The following ZNF267 variants were observed in gnomAD, a reference collection of about 807,000 sequenced individuals.
ZNF267 encodes zinc finger (C2H2).
In ZNF267, 61 loss-of-function variants were observed where a neutral mutation model predicts 71.6. The ratio of observed to expected loss-of-function variants is 0.85; its 90% CI spans 0.69 to 1.05. ZNF267 has a LOEUF of 1.05. ZNF267 is among the 50% of genes least tolerant of loss of function. ZNF267 has a pLI of 0.00. For missense variants in ZNF267, 852 were observed against 870.0 expected (o/e 0.98, Z 0.26); for synonymous variants, 288 against 293.2 (o/e 0.98, Z 0.18).
At chr16:31,886,310 G>A (rs2083923865) in intron 3 of ZNF267, among the ~76,000 whole-genome samples, 1 of 152,106 alleles carries the variant, frequency 6.6e-6, no homozygotes, top group Admixed American at 6.6e-5. Flanking sequence ...TGTAGTGCAG[G>A]GGTCTATAGT....
chr16:31,886,792 A>T (rs2083927333), intron 3 of ZNF267, among the ~76,000 whole-genome samples: 1 of 152,210 alleles, frequency 6.6e-6, no homozygotes. Context: ...TCTGAATAAT[A>T]TTCTATATAT....
intron 3 of ZNF267, chr16:31,894,395 C>T (rs2083982289): frequency 7.6e-6 from 3 of 396,446 alleles, no homozygotes; most frequent in South Asian, 6.3e-5. Flanking sequence ...GATCTCTTTC[C>T]GTTCATGTTT....
chr16:31,900,080 A>G (rs1433476982), intron 3 of ZNF267, among the ~76,000 whole-genome samples: 3 of 151,874 alleles, frequency 2.0e-5, no homozygotes, highest in African/African-American at 7.3e-5. Context: ...CATTTCCACA[A>G]GATACTGAAA....
chr16:31,885,269 G>A lies in ZNF267; in HGVS notation c.226+13G>A, dbSNP rs201514396. The A allele has an allele frequency of 1.6e-4, 252 of 1,600,602 alleles. 1 individual carries two copies. The highest frequency in any genetic ancestry group is 3.0e-4 in the African/African-American group (22 of 74,532). On this transcript the variant is annotated intron_variant, in intron 3 of 3. Coordinates refer to ENST00000300870, the MANE Select transcript of ZNF267 (RefSeq NM_003414.6). ...GCCATCCAGCCAGGTAGGTGGGAGC[G>A]AATGAAGTAGATGACATGGGCGAGA...
intron 3 of ZNF267, among the ~76,000 whole-genome samples, chr16:31,887,816 C>T (rs956607861): frequency 2.0e-5 from 3 of 151,938 alleles, no homozygotes; most frequent in Admixed American, 6.6e-5. Context: ...AGTGTGATGC[C>T]TCTAGCTTTA....
chr16:31,900,848 G>A (rs893378531), intron 3 of ZNF267, among the ~76,000 whole-genome samples: 3 of 147,636 alleles, frequency 2.0e-5, no homozygotes, highest in African/African-American at 5.0e-5. Flanking sequence ...TGTGCACAAC[G>A]TGCAGATTTG....
At chr16:31,886,088 C>T (rs1300476803) in intron 3 of ZNF267, among the ~76,000 whole-genome samples, 1 of 151,938 alleles carries the variant, frequency 6.6e-6, no homozygotes, top group Non-Finnish European at 1.5e-5. Context: ...CCTTTAGTTC[C>T]TTTTTTTTCT....
chr16:31,904,471 T>G (rs1313537532), intron 3 of ZNF267, among the ~76,000 whole-genome samples: 1 of 152,274 alleles, frequency 6.6e-6, no homozygotes. Flanking sequence ...TGGGTGCTCC[T>G]GTATGGGGTA....
intron 3 of ZNF267, among the ~76,000 whole-genome samples, chr16:31,909,120 C>CTTTTTTTTTTTTTTTTTTTTT (rs34409182): frequency 4.4e-5 from 2 of 45,322 alleles, no homozygotes; most frequent in Non-Finnish European, 7.5e-5. Flanking sequence ...CTTTTCTTTT[C>CTTTTTTTTTTTTTTTTTTTTT]TTTTTTTTTT....
chr16:31,899,549 T>A (rs2084023268), intron 3 of ZNF267, among the ~76,000 whole-genome samples: 1 of 152,122 alleles, frequency 6.6e-6, no homozygotes, highest in Non-Finnish European at 1.5e-5. Context: ...AGGTGGAAAT[T>A]TATAGCACTA....
rs552862614 is a variant in ZNF267 at position 31,889,007 on chromosome 16, T to C, written c.226+3751T>C. Reference sequence around the variant, plus strand: ...TCTCATTATTAGTCTTTTGGGTATTTCTGTTTCTTCACAGTGTGGTGTTCT... The same window carrying C: ...TCTCATTATTAGTCTTTTGGGTATTCCTGTTTCTTCACAGTGTGGTGTTCT... On this transcript the variant is annotated intron_variant, in intron 3 of 3. Coordinates refer to ENST00000300870, the MANE Select transcript of ZNF267 (RefSeq NM_003414.6). Among the ~76,000 whole-genome samples, 15 of 152,206 alleles carry C rather than the reference T, an allele frequency of 9.9e-5. No homozygotes were observed. In the East Asian group the frequency reaches 2.1e-3, roughly 22 times the overall value.
At chr16:31,904,881 T>C (rs1192183892) in intron 3 of ZNF267, among the ~76,000 whole-genome samples, 2 of 152,228 alleles carry the variant, frequency 1.3e-5, no homozygotes, top group African/African-American at 4.8e-5. Flanking sequence ...TTTCTAGCCT[T>C]GATGGTCTTT....
chr16:31,895,696 G>T (rs1567475951), intron 3 of ZNF267, among the ~76,000 whole-genome samples: 1 of 152,164 alleles, frequency 6.6e-6, no homozygotes, highest in Non-Finnish European at 1.5e-5. Flanking sequence ...GTCCCACTGG[G>T]TTTGGATTTG....
At chr16:31,874,205 G>C (rs2083835452) in intron 1 of ZNF267, 1 of 507,656 alleles carries the variant, frequency 2.0e-6, no homozygotes. Context: ...CCTCGTCCCT[G>C]GCCGGAGCCC....
At chr16:31,894,386 A>T (rs2083982201) in intron 3 of ZNF267, among the ~76,000 whole-genome samples, 1 of 151,586 alleles carries the variant, frequency 6.6e-6, no homozygotes, top group Middle Eastern at 3.5e-3. Flanking sequence ...CCATCAGAAG[A>T]TCTCTTTCCG....
At chr16:31,888,086 T>A (rs1369408366) in intron 3 of ZNF267, among the ~76,000 whole-genome samples, 2 of 152,060 alleles carry the variant, frequency 1.3e-5, no homozygotes, top group African/African-American at 2.4e-5. Context: ...CTTTCACTTC[T>A]TTTGTTAAAT....
chr16:31,899,216 C>T (rs2084021128), intron 3 of ZNF267, among the ~76,000 whole-genome samples: 3 of 152,332 alleles, frequency 2.0e-5, no homozygotes, highest in Admixed American at 2.0e-4. Context: ...CAACCCAAGT[C>T]AACAGAATAT....
At chr16:31,904,769 C>G (rs1165147119) in intron 3 of ZNF267, among the ~76,000 whole-genome samples, 2 of 152,152 alleles carry the variant, frequency 1.3e-5, no homozygotes, top group South Asian at 4.1e-4. Flanking sequence ...TTAATTGGAG[C>G]ATTTAGCCCG....
intron 3 of ZNF267, among the ~76,000 whole-genome samples, chr16:31,887,127 G>A (rs1488339887): frequency 6.6e-6 from 1 of 151,808 alleles, no homozygotes; most frequent in Non-Finnish European, 1.5e-5. Flanking sequence ...TCTTATTATG[G>A]TTTTACTTGC....
Sources: allele counts gnomAD v4.1 joint callset (sites outside exome capture counted in the v4.1 genomes callset), GRCh38; gene constraint gnomAD v4.1.1; transcripts MANE v1.5; gene names NCBI Gene and HGNC (gene_info 2026-07-23, HGNC 2026-07-21).